MIA3: variants seen among roughly 807,000 people sequenced by gnomAD.
The protein encoded by MIA3 is transport and Golgi organization protein 1 homolog.
In MIA3, 90 loss-of-function variants were observed where a neutral mutation model predicts 192.4. The observed-to-expected ratio is 0.47, with a 90% CI of 0.39 to 0.56. The LOEUF (loss-of-function observed/expected upper bound fraction) is 0.56, where lower values mean the gene tolerates loss of function less well. Among genes scored for constraint, MIA3 ranks in the 20% least tolerant of loss-of-function variants. The probability of loss-of-function intolerance (pLI) is 0.00; values close to 1 mark genes in which losing one functional copy is unlikely to be tolerated. For missense variants in MIA3, 2,123 were observed against 2,269.4 expected, an observed-to-expected ratio of 0.94 and a Z score of 1.31; for synonymous variants, 740 against 792.8, an observed-to-expected ratio of 0.93 and a Z score of 1.12.
chr1:222,644,255 C>T, intron 6 of MIA3: 2 of 1,361,794 alleles, frequency 1.5e-6, no homozygotes, highest in Non-Finnish European at 9.5e-7. Flanking sequence ...CCGCCCTCGC[C>T]GGCCGGCTCC....
chr1:222,663,981 T>C lies in MIA3; in HGVS notation c.5263-17T>C. 2 of 1,595,306 alleles carry C rather than the reference T, an allele frequency of 1.3e-6. No individual in the cohort carries two copies. Among genetic ancestry groups the C allele is most frequent in the Non-Finnish European group, 1.7e-6 (2 of 1,170,664 alleles). ...ATACCATAGTATTTCAAAACTTCAA[T>C]TGTTTCTACTCTGCAGGTTAATATG... On this transcript the variant is annotated splice_polypyrimidine_tract_variant and intron_variant, in intron 26 of 27. Coordinates refer to ENST00000344922, the MANE Select transcript of MIA3 (RefSeq NM_198551.4).
At position 222,644,664 on chromosome 1, in the gene MIA3, G is replaced by A. The variant is rs575621948; in HGVS notation, c.3478-890G>A. The A allele has an allele frequency of 3.0e-5, 43 of 1,446,010 alleles. No homozygotes were observed. The South Asian group carries it at 3.7e-4, about 12-fold the overall frequency. 89.6% of individuals were successfully genotyped at this position (1,446,010 alleles called of 1,614,324 possible). ...GAGTTCTAAGCAGAGTGGGTGCACT[G>A]ATTGTCTGTGCAAAGGAGAAATGGA... On this transcript the variant is annotated intron_variant, in intron 6 of 27. Coordinates refer to ENST00000344922, the MANE Select transcript of MIA3 (RefSeq NM_198551.4).
chr1:222,644,318 C>G, intron 6 of MIA3: 1 of 1,443,866 alleles, frequency 6.9e-7, no homozygotes, highest in Non-Finnish European at 9.1e-7. Context: ...GTTTTATAGG[C>G]GGCATAAAGC....
At chr1:222,619,204 G>A (rs1247092691) in intron 1 of MIA3, among the ~76,000 whole-genome samples, 1 of 152,180 alleles carries the variant, frequency 6.6e-6, no homozygotes, top group Non-Finnish European at 1.5e-5. Flanking sequence ...GCTTGGTTTA[G>A]CCTTAGCCGC....
At chr1:222,645,077 G>A (rs1221578227) in intron 6 of MIA3, among the ~76,000 whole-genome samples, 1 of 152,138 alleles carries the variant, frequency 6.6e-6, no homozygotes, top group African/African-American at 2.4e-5. Context: ...GTTTATGTAA[G>A]TCGATTTAAG....
At chr1:222,645,439 G>A in intron 6 of MIA3, 115 bp from the exon 7 acceptor site, 1 of 852,448 alleles carries the variant, frequency 1.2e-6, no homozygotes, top group South Asian at 1.9e-5. Flanking sequence ...ATTTTTGAGG[G>A]GATAGGTATC....
At chr1:222,640,020 A>G (rs1418453257) in intron 6 of MIA3, among the ~76,000 whole-genome samples, 1 of 152,184 alleles carries the variant, frequency 6.6e-6, no homozygotes, top group African/African-American at 2.4e-5. Context: ...AAAGATTTAC[A>G]TCTAAAAGCA....
intron 7 of MIA3, chr1:222,647,887 G>A: frequency 5.4e-6 from 2 of 367,496 alleles, no homozygotes; most frequent in Non-Finnish European, 1.1e-5. Context: ...TTATAAGTGA[G>A]ATTTAGATAC....
chr1:222,659,550 A>G, intron 20 of MIA3, 37 bp downstream of exon 20: 1 of 1,611,454 alleles, frequency 6.2e-7, no homozygotes, highest in Non-Finnish European at 8.5e-7. Context: ...AGTGCCCGGA[A>G]TTCTTTGATA....
intron 4 of MIA3, among the ~76,000 whole-genome samples, chr1:222,630,688 G>A (rs1000569632): frequency 2.0e-4 from 30 of 152,220 alleles, no homozygotes; most frequent in African/African-American, 7.0e-4. Flanking sequence ...CAAATGTCAT[G>A]TAAAATTATG....
chr1:222,636,065 C>T lies in MIA3; in HGVS notation c.3477+2816C>T, dbSNP rs781361442. 3.3e-5 allele frequency among the ~76,000 whole-genome samples: 5 copies of T among 152,198 alleles called. No homozygotes were observed. The South Asian group carries it at 1.0e-3, about 32-fold the overall frequency. ...TTCAAATATACAAAAGCAGAGAATC[C>T]GTGGGACCATCACCCAATAATTCCC... On this transcript the variant is annotated intron_variant, in intron 6 of 27. Transcript: ENST00000344922.
intron 3 of MIA3, 146 bp downstream of exon 3, chr1:222,625,000 A>G (rs917924170): frequency 5.9e-6 from 3 of 506,688 alleles, no homozygotes; most frequent in African/African-American, 2.0e-5. Context: ...ATGTTCTTAT[A>G]TAAGGCTATG....
chr1:222,652,019 A>G lies in MIA3; in HGVS notation c.3952A>G (p.Ile1318Val), dbSNP rs564709774. ...ATCTATAGAGAAGTTAAAGGATGTT[A>G]TTTCAATGAATGCCTCAGAATTTTC... ...KKSIEKLKDVISMNASEFSEV... is the reference protein window; with the variant it reads ...KKSIEKLKDVVSMNASEFSEV... Residue 1318 changes from isoleucine (I) to valine (V), a missense_variant, in exon 12 of 28, where the codon ATT becomes GTT. Physicochemically the swap from Ile to Val is conservative, Grantham distance 29. Transcript: ENST00000344922. 1.3e-6 allele frequency: 2 copies of G among 1,576,938 alleles called. No individual in the cohort carries two copies. Among genetic ancestry groups the G allele is most frequent in the Admixed American group, 1.7e-5 (1 of 59,892 alleles).
At position 222,665,497 on chromosome 1, in the gene MIA3, C is replaced by T; in HGVS notation, c.5602C>T (p.Gln1868Ter). ...ATTACCACCCCCAACCCATGGTCCCCAGGAATACCCACCACCACCTGCTGT... is the reference window on the plus strand; with the variant it reads ...ATTACCACCCCCAACCCATGGTCCCTAGGAATACCCACCACCACCTGCTGT... ...TRLPPPTHGP[Q>*]EYPPPPAVRD... The change falls in exon 28 of 28, where the codon CAG (glutamine) becomes TAG (stop). Residue 1868 changes from glutamine (Q) to a stop codon, truncating the protein, a stop_gained. Coordinates refer to ENST00000344922, the MANE Select transcript of MIA3 (RefSeq NM_198551.4). LOFTEE classifies it low-confidence loss of function (END_TRUNC). The T allele has an allele frequency of 6.2e-7, 1 of 1,614,042 alleles. No homozygotes were observed. The highest frequency in any genetic ancestry group is 8.5e-7 in the Non-Finnish European group (1 of 1,179,990).
chr1:222,660,944 C>A (rs957835678), intron 24 of MIA3: 1 of 152,554 alleles, frequency 6.6e-6, no homozygotes, highest in Non-Finnish European at 1.5e-5. Context: ...AGTTTTAAAT[C>A]ATAAATGCAT....
rs763944649 is a variant in MIA3, at chr1:222,632,219, A to G, written c.3224A>G (p.Asn1075Ser). ...TCACGAGAGAAGACAGCAGAACTTAATGTGCAGGTTCCTGAAGAACCCACC... is the reference window on the plus strand; with the variant it reads ...TCACGAGAGAAGACAGCAGAACTTAGTGTGCAGGTTCCTGAAGAACCCACC... ...NFSREKTAEL[N>S]VQVPEEPTHL... The change falls in exon 5 of 28, where the codon AAT becomes AGT. Residue 1075 changes from asparagine (N) to serine (S), a missense_variant. Transcript: ENST00000344922. 5 of 1,614,182 alleles carry G rather than the reference A, an allele frequency of 3.1e-6. No individual in the cohort carries two copies. Among genetic ancestry groups the G allele is most frequent in the Non-Finnish European group, 4.2e-6 (5 of 1,180,000 alleles).
At position 222,630,251 on chromosome 1, in the gene MIA3, A is replaced by G. The variant is rs368516553; in HGVS notation, c.3031A>G (p.Ile1011Val). Residue 1011 changes from isoleucine to valine, a missense_variant, in exon 4 of 28, where the codon ATA (isoleucine) becomes GTA (valine). Ile to Val is a conservative substitution (Grantham distance 29). Coordinates refer to ENST00000344922, the MANE Select transcript of MIA3 (RefSeq NM_198551.4). ...NRDLGMNENN[I>V]FEEAAVLDDI... ...AGATCTGGGAATGAACGAAAATAAC[A>G]TATTTGAAGAGGCTGCAGTGCTTGA... The G allele has an allele frequency of 6.2e-7, 1 of 1,614,226 alleles. No individual in the cohort carries two copies. The highest frequency in any genetic ancestry group is 1.1e-5 in the South Asian group (1 of 91,084).
intron 18 of MIA3, among the ~76,000 whole-genome samples, chr1:222,656,079 C>T (rs1663710444): frequency 6.8e-6 from 1 of 147,990 alleles, no homozygotes; most frequent in East Asian, 2.1e-4. Context: ...ATGCCATTCT[C>T]CTGCCTCAGT....
intron 3 of MIA3, 148 bp from the exon 4 acceptor site, chr1:222,627,426 GC>G (rs1469706038): frequency 9.2e-6 from 6 of 650,722 alleles, no homozygotes; most frequent in Non-Finnish European, 1.6e-5. Context: ...TCCACCCACT[GC>G]CCAAGAACAG....
Sources: allele counts gnomAD v4.1 joint callset (sites outside exome capture counted in the v4.1 genomes callset), GRCh38; gene constraint gnomAD v4.1.1; transcripts MANE v1.5; gene names NCBI Gene and HGNC (gene_info 2026-07-23, HGNC 2026-07-21).